The following ZNF83 variants were observed in gnomAD, a reference collection of about 807,000 sequenced individuals.
ZNF83 encodes zinc finger protein 83.
For synonymous variants in ZNF83, 209 were observed against 213.0 expected (o/e 0.98, Z 0.17); for missense variants, 552 against 629.9 (o/e 0.88, Z 1.32).
At chr19:52,656,864 CAAAAAAAAA>C (rs112522632) in intron 2 of ZNF83, among the ~76,000 whole-genome samples, 12 of 136,658 alleles carry the variant, frequency 8.8e-5, no homozygotes, top group Admixed American at 7.3e-4. Flanking sequence ...GACTCCGTCT[CAAAAAAAAA>C]AAAAAAAAAA....
chr19:52,675,276 G>GT, intron 1 of ZNF83, among the ~76,000 whole-genome samples: 1 of 152,234 alleles, frequency 6.6e-6, no homozygotes. Context: ...TGCATGTACG[G>GT]TAAGTGAGGG....
rs867542213 is a variant in ZNF83 at position 52,660,031 on chromosome 19, A to G, written c.-201+731T>C. Among the ~76,000 whole-genome samples, 10 of 152,200 alleles carry G rather than the reference A, an allele frequency of 6.6e-5. No individual in the cohort carries two copies. The Middle Eastern group carries it at 0.014, about 207-fold the overall frequency. On this transcript the variant is annotated intron_variant, in intron 2 of 5. Transcript: ENST00000594682. ...CATAGTGAAACCCATCTCTACTAAA[A>G]ATACAAAAAATTAGCGGGGTGTGGT...
intron 1 of ZNF83, among the ~76,000 whole-genome samples, chr19:52,666,959 G>C (rs2061662689): frequency 6.6e-6 from 1 of 152,190 alleles, no homozygotes; most frequent in Non-Finnish European, 1.5e-5. Flanking sequence ...TGTGCAAGCT[G>C]TTTGCACTCA....
At chr19:52,642,984 CTG>C (rs1267176618), upstream of ZNF83, among the ~76,000 whole-genome samples, 2 of 152,136 alleles carry the variant, frequency 1.3e-5, no homozygotes, top group Non-Finnish European at 2.9e-5. Context: ...TGGTGAAACC[CTG>C]TCTCTACTAA....
At chr19:52,632,907 C>T (rs957952923) in intron 2 of ZNF83, among the ~76,000 whole-genome samples, 2 of 152,180 alleles carry the variant, frequency 1.3e-5, no homozygotes, top group Non-Finnish European at 2.9e-5. Flanking sequence ...TAGGTTCCCA[C>T]GCCACCCCTA....
chr19:52,638,409 T>TGGGCGGGGCCTGGATGAGGTAG (rs1568555612), upstream of ZNF83: 2 of 146,836 alleles, frequency 1.4e-5, no homozygotes, highest in Admixed American at 6.8e-5. Context: ...GCCCGCGAGG[T>TGGGCGGGGCCTGGATGAGGTAG]GGGCGGGGCC....
upstream of ZNF83, among the ~76,000 whole-genome samples, chr19:52,642,577 C>A (rs1026878083): frequency 6.6e-6 from 1 of 152,094 alleles, no homozygotes; most frequent in Non-Finnish European, 1.5e-5. Context: ...AAACGGGAGG[C>A]AAGTTTGTCT....
At chr19:52,631,964 C>T (rs562347341) in intron 2 of ZNF83, among the ~76,000 whole-genome samples, 2 of 140,696 alleles carry the variant, frequency 1.4e-5, no homozygotes, top group African/African-American at 2.6e-5. Context: ...ACATCAAGCT[C>T]GAGGATTTGC....
At chr19:52,618,086 G>A (rs892665361) in intron 2 of ZNF83, 8 of 152,138 alleles carry the variant, frequency 5.3e-5, no homozygotes, top group African/African-American at 1.9e-4. Flanking sequence ...TCTGCCATGA[G>A]GTTTTGTTTT....
At chr19:52,669,718 T>G (rs908586565) in intron 1 of ZNF83, among the ~76,000 whole-genome samples, 1 of 152,182 alleles carries the variant, frequency 6.6e-6, no homozygotes, top group African/African-American at 2.4e-5. Flanking sequence ...TGGAAAAGAA[T>G]AGTAGCCTCA....
chr19:52,631,925 G>A (rs1033016474), intron 2 of ZNF83, among the ~76,000 whole-genome samples: 2 of 127,926 alleles, frequency 1.6e-5, no homozygotes, highest in Non-Finnish European at 3.3e-5. Flanking sequence ...ACTCCTCAGG[G>A]ATTATTCAGG....
intron 1 of ZNF83, among the ~76,000 whole-genome samples, chr19:52,637,518 CCTG>C (rs2147204761): frequency 6.6e-6 from 1 of 152,286 alleles, no homozygotes; most frequent in East Asian, 1.9e-4. Flanking sequence ...CTTTTCTCCT[CCTG>C]CTTTCTTTTT....
chr19:52,640,020 T>TGGTAATTGGTCACA (rs2147219748), upstream of ZNF83, among the ~76,000 whole-genome samples: 1 of 152,268 alleles, frequency 6.6e-6, no homozygotes, highest in African/African-American at 2.4e-5. Context: ...CACACATAGT[T>TGGTAATTGGTCACA]CATCCTGGCT....
intron 1 of ZNF83, among the ~76,000 whole-genome samples, chr19:52,669,748 C>T (rs560418879): frequency 6.6e-6 from 1 of 152,276 alleles, no homozygotes; most frequent in African/African-American, 2.4e-5. Context: ...TCCCTCACAG[C>T]CGTAATGGGT....
chr19:52,647,763 C>A (rs939225587), intron 3 of ZNF83, among the ~76,000 whole-genome samples: 1 of 151,838 alleles, frequency 6.6e-6, no homozygotes, highest in African/African-American at 2.4e-5. Flanking sequence ...TCTTCTGCTT[C>A]ATCCTTGGAA....
chr19:52,612,912 A>C (rs1391275612), exon 3 of ZNF83: 2 of 1,016,740 alleles, frequency 2.0e-6, no homozygotes, highest in Non-Finnish European at 2.8e-6. Flanking sequence ...TTGAACAAAA[A>C]CTAAAGGCTC....
intron 1 of ZNF83, among the ~76,000 whole-genome samples, 158 bp downstream of exon 1, chr19:52,638,153 CA>C: frequency 6.6e-6 from 1 of 152,320 alleles, no homozygotes; most frequent in Middle Eastern, 3.4e-3. Context: ...ACTTTAAACC[CA>C]AAAGGAAGCG....
intron 3 of ZNF83, among the ~76,000 whole-genome samples, chr19:52,648,660 G>A (rs2061405582): frequency 6.6e-6 from 1 of 152,132 alleles, no homozygotes; most frequent in Admixed American, 6.5e-5. Flanking sequence ...CAGTCCCGCT[G>A]CTGTTAAAGT....
chr19:52,643,852 G>A (rs2061339058), intron 3 of ZNF83, among the ~76,000 whole-genome samples: 1 of 152,218 alleles, frequency 6.6e-6, no homozygotes, highest in South Asian at 2.1e-4. Context: ...GGTACATAGT[G>A]TAAGAGCAGG....
Sources: allele counts gnomAD v4.1 joint callset (sites outside exome capture counted in the v4.1 genomes callset), GRCh38; gene constraint gnomAD v4.1.1; transcripts MANE v1.5; gene names NCBI Gene and HGNC (gene_info 2026-07-23, HGNC 2026-07-21).